TARS3: variants seen among roughly 807,000 people sequenced by gnomAD.
TARS3 encodes threonine--tRNA ligase 2, cytoplasmic.
TARS3 carries 94 observed loss-of-function variants against 103.5 expected under a neutral mutation model. The ratio of observed to expected loss-of-function variants is 0.91; its 90% confidence interval spans 0.77 to 1.08. The LOEUF (loss-of-function observed/expected upper bound fraction) is 1.08. Among genes scored for constraint, TARS3 ranks in the 50% least tolerant of loss-of-function variants. The pLI, the probability that TARS3 is intolerant of heterozygous loss-of-function variation, is 0.00. For synonymous variants in TARS3, 416 were observed against 355.4 expected, an observed-to-expected ratio of 1.17 and a Z score of -1.92; for missense variants, 952 against 995.2, an observed-to-expected ratio of 0.96 and a Z score of 0.58.
chr15:101,680,309 CTA>C (rs1898209362), intron 12 of TARS3, among the ~76,000 whole-genome samples: 1 of 152,242 alleles, frequency 6.6e-6, no homozygotes, highest in African/African-American at 2.4e-5. Flanking sequence ...TAAAACTTTT[CTA>C]TCTTTCTAGG....
At chr15:101,685,102 T>C (rs899146623) in intron 11 of TARS3, among the ~76,000 whole-genome samples, 5 of 152,208 alleles carry the variant, frequency 3.3e-5, no homozygotes, top group African/African-American at 7.2e-5. Context: ...TTTCTTCTCA[T>C]CTTCACTTAA....
At chr15:101,688,294 T>G (rs1376218436) in intron 10 of TARS3, among the ~76,000 whole-genome samples, 3 of 152,154 alleles carry the variant, frequency 2.0e-5, no homozygotes, top group Non-Finnish European at 4.4e-5. Flanking sequence ...TTTGAACTTT[T>G]CAAGAGAAAA....
chr15:101,688,857 T>C (rs1307833431), intron 10 of TARS3, among the ~76,000 whole-genome samples: 1 of 152,202 alleles, frequency 6.6e-6, no homozygotes, highest in Non-Finnish European at 1.5e-5. Context: ...GGCTTCGCAT[T>C]ACTAAGGCAT....
chr15:101,711,859 A>G (rs1899883585), intron 5 of TARS3, 21 bp downstream of exon 5: 1 of 1,612,162 alleles, frequency 6.2e-7, no homozygotes, highest in African/African-American at 1.3e-5. Flanking sequence ...TGCATTCACA[A>G]GCCAGTATTC....
chr15:101,696,146 G>C (rs1898965741), intron 10 of TARS3: 1 of 146,784 alleles, frequency 6.8e-6, no homozygotes, highest in East Asian at 2.0e-4. Context: ...AGGAGGCGGA[G>C]CTTGCAGTGA....
chr15:101,670,895 C>T (rs942043344), intron 15 of TARS3, among the ~76,000 whole-genome samples: 9 of 152,046 alleles, frequency 5.9e-5, no homozygotes, highest in African/African-American at 2.2e-4. Flanking sequence ...TCAGAAGGCT[C>T]GATACTGCAT....
At chr15:101,665,463 C>G (rs1897544633) in intron 15 of TARS3, among the ~76,000 whole-genome samples, 1 of 152,336 alleles carries the variant, frequency 6.6e-6, no homozygotes. Flanking sequence ...AGCCTACAGC[C>G]TACAGAAACT....
chr15:101,688,371 A>C (rs2141411224), intron 10 of TARS3, among the ~76,000 whole-genome samples: 1 of 152,240 alleles, frequency 6.6e-6, no homozygotes, highest in Middle Eastern at 3.4e-3. Context: ...GGAAAGAGTA[A>C]ACTCTCAGTG....
intron 15 of TARS3, among the ~76,000 whole-genome samples, chr15:101,666,653 C>A (rs1207535085): frequency 6.6e-6 from 1 of 151,966 alleles, no homozygotes; most frequent in African/African-American, 2.4e-5. Context: ...TTTGAAAGTA[C>A]AACAAAATAA....
chr15:101,653,855 T>C lies in TARS3; in HGVS notation c.*727A>G, dbSNP rs772674915. The C allele has an allele frequency of 1.3e-5, 2 of 152,246 alleles. No homozygotes were observed. Among genetic ancestry groups the C allele is most frequent in the Non-Finnish European group, 2.9e-5 (2 of 68,040 alleles). 9.4% of individuals were successfully genotyped at this position (152,246 alleles called of 1,614,324 possible). On this transcript the variant is annotated 3_prime_UTR_variant, in exon 19 of 19. Coordinates refer to ENST00000335968, the MANE Select transcript of TARS3 (RefSeq NM_152334.3). Reference sequence around the variant, plus strand: ...CATTTCAGTACATAAATCCATGGAATGTCATCCCATCAAAAAAGTAACAAC... The same window carrying C: ...CATTTCAGTACATAAATCCATGGAACGTCATCCCATCAAAAAAGTAACAAC...
At chr15:101,693,875 T>C (rs1051871615) in intron 10 of TARS3, among the ~76,000 whole-genome samples, 3 of 152,092 alleles carry the variant, frequency 2.0e-5, no homozygotes, top group Admixed American at 2.0e-4. Context: ...TTCCCTGAGG[T>C]CAGGGCTGGG....
chr15:101,716,253 CTCTT>C (rs1317064864), intron 3 of TARS3, among the ~76,000 whole-genome samples: 6 of 152,046 alleles, frequency 3.9e-5, no homozygotes, highest in African/African-American at 1.2e-4. Context: ...AGGTGTTGAT[CTCTT>C]TCTTTCTGTT....
At chr15:101,704,603 C>T (rs899071256) in intron 7 of TARS3, among the ~76,000 whole-genome samples, 1 of 150,268 alleles carries the variant, frequency 6.7e-6, no homozygotes, top group Non-Finnish European at 1.5e-5. Flanking sequence ...TGCGGTGAAC[C>T]GAGGTCGCGC....
intron 1 of TARS3, 146 bp downstream of exon 1, chr15:101,723,945 G>A (rs1900623316): frequency 2.9e-6 from 1 of 347,730 alleles, no homozygotes; most frequent in African/African-American, 3.9e-5. Context: ...CCACCGAGCA[G>A]GGCAGGGCGG....
chr15:101,717,707 C>A (rs2141455620), intron 3 of TARS3, among the ~76,000 whole-genome samples: 1 of 152,326 alleles, frequency 6.6e-6, no homozygotes, highest in Admixed American at 6.5e-5. Flanking sequence ...AAATCAGCAA[C>A]AAGATGGGAG....
At chr15:101,719,880 G>A (rs1900360020) in intron 3 of TARS3, among the ~76,000 whole-genome samples, 1 of 152,184 alleles carries the variant, frequency 6.6e-6, no homozygotes, top group African/African-American at 2.4e-5. Flanking sequence ...GAAGCCCCTG[G>A]AGAGCTCATA....
At chr15:101,715,098 T>C (rs1900076623) in intron 3 of TARS3, 135 bp from the exon 4 acceptor site, 1 of 767,544 alleles carries the variant, frequency 1.3e-6, no homozygotes, top group Non-Finnish European at 1.9e-6. Flanking sequence ...AGGACAGATA[T>C]TTCTTGTTTT....
chr15:101,708,339 C>T (rs1015351110), intron 6 of TARS3, among the ~76,000 whole-genome samples: 1 of 105,404 alleles, frequency 9.5e-6, no homozygotes, highest in Admixed American at 9.9e-5. Flanking sequence ...TGTTTTAAAA[C>T]ATAAAATCAG....
In TARS3 at chr15:101,656,958, G is replaced by A. The variant is rs373605221; in HGVS notation, c.2224C>T (p.Arg742Ter). ...DHSCTLNKKI[R>*]NAQLAQYNFI... is the part of the protein sequence containing the mutation. The stretch of plus-strand genomic sequence containing the variant: ...TTATACTGAGCCAGCTGTGCATTTC[G>A]TATTTTCTTATTTAGTGTACAACTG... Residue 742 changes from arginine to a stop codon, truncating the protein, a stop_gained, in exon 18 of 19, where the codon CGA (arginine) becomes TGA (stop). Coordinates refer to ENST00000335968, the MANE Select transcript of TARS3 (RefSeq NM_152334.3). LOFTEE classifies it high-confidence loss of function. 10 of 1,612,290 alleles carry A rather than the reference G, an allele frequency of 6.2e-6. No homozygotes were observed. Among genetic ancestry groups the A allele is most frequent in the East Asian group, 4.5e-5 (2 of 44,844 alleles).
Sources: allele counts gnomAD v4.1 joint callset (sites outside exome capture counted in the v4.1 genomes callset), GRCh38; gene constraint gnomAD v4.1.1; transcripts MANE v1.5; gene names NCBI Gene and HGNC (gene_info 2026-07-23, HGNC 2026-07-21).